BCO2: variants seen among roughly 807,000 people sequenced by gnomAD.
The protein encoded by BCO2 is beta-carotene oxygenase 2.
Under a neutral mutation model 65.8 loss-of-function variants are expected in BCO2, and 56 were observed. The ratio of observed to expected loss-of-function variants is 0.85; its 90% CI spans 0.69 to 1.06. The LOEUF (loss-of-function observed/expected upper bound fraction) is 1.06. Ranked by LOEUF, BCO2 falls within the 50% of genes least tolerant of loss-of-function variation. The pLI is 0.00. For synonymous variants in BCO2, 233 were observed against 242.3 expected (o/e 0.96, Z 0.36); for missense variants, 675 against 698.5 (o/e 0.97, Z 0.38).
intron 2 of BCO2, 118 bp downstream of exon 2, chr11:112,179,600 C>A: frequency 2.1e-6 from 2 of 954,336 alleles, no homozygotes; most frequent in Non-Finnish European, 3.2e-6. Context: ...CCTTTGATTA[C>A]AGATAAAGAA....
In BCO2 at chr11:112,218,123, T is replaced by G. The variant is rs1859740411; in HGVS notation, c.*249T>G. On this transcript the variant is annotated 3_prime_UTR_variant, in exon 12 of 12. Coordinates refer to ENST00000357685, the MANE Select transcript of BCO2 (RefSeq NM_031938.7). ...TGTACCCCAGAATCTAAAATAAAAA[T>G]AAAAAGAAAAACAAAGAATGTACTC... 2 of 340,088 alleles carry G rather than the reference T, an allele frequency of 5.9e-6. No individual in the cohort carries two copies. Among genetic ancestry groups the G allele is most frequent in the South Asian group, 1.5e-4 (2 of 13,116 alleles). 21.1% of individuals were successfully genotyped at this position (340,088 alleles called of 1,614,324 possible).
intron 5 of BCO2, 97 bp from the exon 6 acceptor site, chr11:112,199,602 A>G (rs1324444679): frequency 1.4e-5 from 15 of 1,074,006 alleles, no homozygotes; most frequent in Non-Finnish European, 1.8e-5. Flanking sequence ...TATTGCATAA[A>G]TCTCTTAATT....
rs1866861590 is a variant in BCO2, at chr11:112,175,595, T to C, written c.-7T>C. On this transcript the variant is annotated 5_prime_UTR_variant, in exon 1 of 12. Coordinates refer to ENST00000357685, the MANE Select transcript of BCO2 (RefSeq NM_031938.7). The stretch of plus-strand genomic sequence containing the variant: ...TTTGGAAATCACTGGATCTGCTCAA[T>C]ACAAAAATGTTTTTTCGAGTCTTTC... 3 of 1,608,760 alleles carry C rather than the reference T, an allele frequency of 1.9e-6. No homozygotes were observed. The highest frequency in any genetic ancestry group is 2.6e-6 in the Non-Finnish European group (3 of 1,175,116).
At chr11:112,202,725 T>C (rs1413804396) in intron 8 of BCO2, among the ~76,000 whole-genome samples, 1 of 152,150 alleles carries the variant, frequency 6.6e-6, no homozygotes, top group Non-Finnish European at 1.5e-5. Flanking sequence ...GTAAGAAACA[T>C]GGCAAAGAGA....
At chr11:112,195,723 C>T (rs901377398) in intron 5 of BCO2, among the ~76,000 whole-genome samples, 5 of 152,170 alleles carry the variant, frequency 3.3e-5, no homozygotes, top group African/African-American at 1.2e-4. Flanking sequence ...GGATTTCAGG[C>T]GCGAGCCACT....
intron 2 of BCO2, among the ~76,000 whole-genome samples, chr11:112,184,558 A>G (rs965122097): frequency 6.6e-6 from 1 of 152,164 alleles, no homozygotes; most frequent in Admixed American, 6.5e-5. Flanking sequence ...TGGCCTGGGA[A>G]TGAGGAATTT....
chr11:112,192,468 T>G (rs547547486), intron 2 of BCO2, among the ~76,000 whole-genome samples: 1 of 152,260 alleles, frequency 6.6e-6, no homozygotes, highest in African/African-American at 2.4e-5. Flanking sequence ...TCCTTACAGT[T>G]TTCAATGTTT....
At chr11:112,190,847 ACT>A (rs1165407101) in intron 2 of BCO2, among the ~76,000 whole-genome samples, 3 of 140,432 alleles carry the variant, frequency 2.1e-5, no homozygotes, top group Non-Finnish European at 4.6e-5. Flanking sequence ...ACAGAGTGAG[ACT>A]CTGTCTCAAA....
chr11:112,205,516 A>G (rs1698374032), intron 8 of BCO2, among the ~76,000 whole-genome samples: 1 of 152,168 alleles, frequency 6.6e-6, no homozygotes, highest in South Asian at 2.1e-4. Context: ...GTGCAGTGGC[A>G]TGATCATAGC....
chr11:112,190,192 A>T (rs1217478585), intron 2 of BCO2, among the ~76,000 whole-genome samples: 30 of 152,136 alleles, frequency 2.0e-4, no homozygotes, highest in Non-Finnish European at 2.9e-5. Flanking sequence ...AGGCTGAGGC[A>T]GGAGGATCAC....
chr11:112,214,709 G>C, intron 9 of BCO2, 53 bp from the exon 10 acceptor site: 3 of 1,510,306 alleles, frequency 2.0e-6, no homozygotes, highest in South Asian at 2.3e-5. Context: ...ACCTACATAA[G>C]AGGAAAATAA....
chr11:112,211,184 G>T (rs1471998209), intron 8 of BCO2, among the ~76,000 whole-genome samples: 1 of 152,102 alleles, frequency 6.6e-6, no homozygotes, highest in East Asian at 1.9e-4. Context: ...GGTACTTCAT[G>T]TAAGTGGGGT....
intron 1 of BCO2, chr11:112,176,515 G>GGA (rs1866885288): frequency 1.2e-5 from 1 of 81,544 alleles, no homozygotes; most frequent in African/African-American, 4.4e-5. Flanking sequence ...AAAATTGATT[G>GGA]GCGGGGGGGG....
At chr11:112,208,154 G>T (rs1859400441) in intron 8 of BCO2, among the ~76,000 whole-genome samples, 2 of 151,966 alleles carry the variant, frequency 1.3e-5, no homozygotes, top group African/African-American at 2.4e-5. Flanking sequence ...TAGAGATGGG[G>T]TTTCACCATG....
At chr11:112,179,680 AT>A in intron 2 of BCO2, 198 bp downstream of exon 2, 2 of 591,296 alleles carry the variant, frequency 3.4e-6, no homozygotes, top group South Asian at 4.1e-5. Flanking sequence ...TCTGTAGACT[AT>A]TGTAAATTTG....
Position 112,181,162 on chromosome 11 carries a change from A to G in BCO2, c.293+1680A>G, listed in dbSNP as rs1867029671. On this transcript the variant is annotated intron_variant, in intron 2 of 11. Coordinates refer to ENST00000357685, the MANE Select transcript of BCO2 (RefSeq NM_031938.7). ...ACAAAGGTGTCTGGGGAAGTAAGCA[A>G]GATGATAGAGGAGCTTTCTTTTTTT... 9.8e-6 allele frequency: 10 copies of G among 1,019,586 alleles called. No homozygotes were observed. In the Admixed American group the frequency reaches 1.4e-4, roughly 14 times the overall value. 63.2% of individuals were successfully genotyped at this position (1,019,586 alleles called of 1,614,324 possible). A position where few individuals can be genotyped will look rare whatever the true frequency, so the allele number is the denominator to read the frequency against.
At position 112,191,458 on chromosome 11, in the gene BCO2, C is replaced by T. The variant is rs533200426; in HGVS notation, c.294-2016C>T. 1.6e-4 allele frequency among the ~76,000 whole-genome samples: 25 copies of T among 152,166 alleles called. No individual in the cohort carries two copies. The South Asian group carries it at 2.7e-3, about 16-fold the overall frequency. On this transcript the variant is annotated intron_variant, in intron 2 of 11. Coordinates refer to ENST00000357685, the MANE Select transcript of BCO2 (RefSeq NM_031938.7). ...TTAGAAATATGCAAACTTTAAAACA[C>T]CCTTGGAAGACAAATTCAAACAAAT...
At position 112,218,390 on chromosome 11, in the gene BCO2, G is replaced by T; in HGVS notation, c.*516G>T. The T allele has an allele frequency of 6.0e-6, 1 of 167,716 alleles. No homozygotes were observed. Among genetic ancestry groups the T allele is most frequent in the East Asian group, 1.5e-4 (1 of 6,544 alleles). 10.4% of individuals were successfully genotyped at this position (167,716 alleles called of 1,614,324 possible). On this transcript the variant is annotated 3_prime_UTR_variant, in exon 12 of 12. Transcript: ENST00000357685. The stretch of plus-strand genomic sequence containing the variant: ...ATTAACACTACTTTATAAGAGGTGC[G>T]GAAGACTGCCCTCACTCATCATGGC...
Position 112,194,673 on chromosome 11 carries a change from T to G in BCO2, c.654T>G (p.Ile218Met), listed in dbSNP as rs376257331. ...TGCAGGTAGATTGGAGCAAATTTAT[T>G]GCTGTGAATGGAGCAACTGCACATC... ...KTEKVDWSKF[I>M]AVNGATAHPH... is the part of the protein sequence containing the mutation. Residue 218 changes from isoleucine to methionine, a missense_variant, in exon 5 of 12, where the codon ATT becomes ATG. Transcript: ENST00000357685. 261 of 1,612,530 alleles carry G rather than the reference T, an allele frequency of 1.6e-4. No individual in the cohort carries two copies. Among genetic ancestry groups the G allele is most frequent in the Non-Finnish European group, 2.2e-4 (255 of 1,179,246 alleles).
Sources: gnomAD v4.1 joint callset for allele counts (sites outside exome capture counted in the v4.1 genomes callset) on GRCh38, gnomAD v4.1.1 for gene constraint, MANE v1.5 for transcripts, NCBI Gene and HGNC (gene_info 2026-07-23, HGNC 2026-07-21) for gene names.